CTXND1: variants seen among roughly 807,000 people sequenced by gnomAD.
CTXND1 encodes the protein cortexin domain containing 1.
chr15:80,203,222 C>T (rs1022695958), intron 2 of CTXND1, among the ~76,000 whole-genome samples: 4 of 152,204 alleles, frequency 2.6e-5, no homozygotes, highest in African/African-American at 7.2e-5. Context: ...CTATCCTCAT[C>T]CCTGAACTTG....
At chr15:80,217,521 CTTATTTATTTATTTAT>C (rs67800490) in intron 1 of CTXND1, among the ~76,000 whole-genome samples, 25 of 143,768 alleles carry the variant, frequency 1.7e-4, no homozygotes, top group South Asian at 4.6e-4. Flanking sequence ...CAATAGCTTG[CTTATTTATTTATTTAT>C]TTATTTATTT....
chr15:80,238,634 G>A (rs577934342), intron 1 of CTXND1, among the ~76,000 whole-genome samples: 153 of 152,080 alleles, frequency 1.0e-3, no homozygotes, highest in African/African-American at 3.3e-3. Flanking sequence ...ACAGGTGCCC[G>A]CCTCCACGCC....
intron 1 of CTXND1, among the ~76,000 whole-genome samples, chr15:80,250,977 G>C (rs1893687118): frequency 6.6e-6 from 1 of 152,120 alleles, no homozygotes; most frequent in Non-Finnish European, 1.5e-5. Context: ...TATGGAAAAG[G>C]GTAAGATTGT....
At chr15:80,214,155 G>T (rs533518668) in intron 1 of CTXND1, among the ~76,000 whole-genome samples, 50 of 152,156 alleles carry the variant, frequency 3.3e-4, no homozygotes, top group Admixed American at 2.8e-3. Context: ...AGTGGGAAAA[G>T]GTAGAAGGAA....
At chr15:80,204,169 A>AATATATATAT (rs1282033532) in intron 1 of CTXND1, among the ~76,000 whole-genome samples, 9 of 65,192 alleles carry the variant, frequency 1.4e-4, no homozygotes, top group African/African-American at 6.9e-4. Context: ...AAAAAAAAAA[A>AATATATATAT]ATATATATAT....
At chr15:80,225,898 A>T (rs1893366487) in intron 1 of CTXND1, among the ~76,000 whole-genome samples, 2 of 152,126 alleles carry the variant, frequency 1.3e-5, no homozygotes, top group Admixed American at 1.3e-4. Flanking sequence ...ATGGAGGTAT[A>T]GATTCATTTA....
chr15:80,232,395 G>A (rs1028138137), intron 1 of CTXND1, among the ~76,000 whole-genome samples: 2 of 152,178 alleles, frequency 1.3e-5, no homozygotes, highest in South Asian at 2.1e-4. Flanking sequence ...TAATCTGATT[G>A]TAATTTCATC....
chr15:80,218,320 T>C (rs1464185186), intron 1 of CTXND1, among the ~76,000 whole-genome samples: 1 of 152,112 alleles, frequency 6.6e-6, no homozygotes, highest in South Asian at 2.1e-4. Flanking sequence ...AACAGTGTTT[T>C]GTAGAAGTGG....
intron 1 of CTXND1, among the ~76,000 whole-genome samples, chr15:80,204,024 G>A (rs980561617): frequency 3.0e-4 from 45 of 150,552 alleles, no homozygotes; most frequent in South Asian, 1.1e-3. Flanking sequence ...TTAGCCGGGC[G>A]TGGTGGTGCA....
rs368975939 is a variant in CTXND1 at position 80,241,024 on chromosome 15, T to C, written c.-218+10983A>G. ...GGAAATGCTGCTGCTCACGGAATCC[T>C]TAAACTGGCATGTGATACACATTTT... On this transcript the variant is annotated intron_variant, in intron 1 of 2. Transcript: ENST00000560778. Among the ~76,000 whole-genome samples, 262 of 152,370 alleles carry C rather than the reference T, an allele frequency of 1.7e-3. 1 individual carries two copies. The highest frequency in any genetic ancestry group is 3.2e-3 in the Non-Finnish European group (217 of 68,036).
chr15:80,199,552 GGCT>G lies in CTXND1; in HGVS notation c.*2215_*2217del. The G allele has an allele frequency of 6.6e-6, 1 of 152,434 alleles. No homozygotes were observed. The highest frequency in any genetic ancestry group is 1.5e-5 in the Non-Finnish European group (1 of 68,120). 9.4% of individuals were successfully genotyped at this position (152,434 alleles called of 1,614,324 possible). A position where few individuals can be genotyped will look rare whatever the true frequency, so the allele number is the denominator to read the frequency against. ...TTCTCAAGGTAGGCTTCAGAGTGAG[GGCT>G]GCTGCTGCTGAACCTGAGGCAATGC... On this transcript the variant is annotated 3_prime_UTR_variant, in exon 3 of 3. Coordinates refer to ENST00000560778, the MANE Select transcript of CTXND1 (RefSeq NM_001352888.2).
At chr15:80,211,365 A>G (rs1380832613) in intron 1 of CTXND1, among the ~76,000 whole-genome samples, 1 of 152,248 alleles carries the variant, frequency 6.6e-6, no homozygotes, top group African/African-American at 2.4e-5. Flanking sequence ...ATAGAAGTGC[A>G]GCCATTATGA....
chr15:80,222,134 T>A (rs1361146507), intron 1 of CTXND1, among the ~76,000 whole-genome samples: 16 of 152,212 alleles, frequency 1.1e-4, no homozygotes, highest in Admixed American at 1.0e-3. Flanking sequence ...ATTAGAATCC[T>A]CTATTTCTTC....
chr15:80,215,913 G>A (rs1350546233), intron 1 of CTXND1, among the ~76,000 whole-genome samples: 11 of 152,182 alleles, frequency 7.2e-5, no homozygotes, highest in Admixed American at 6.5e-4. Context: ...AGTGGGTGGA[G>A]TCTCAATCAC....
intron 1 of CTXND1, among the ~76,000 whole-genome samples, chr15:80,206,742 ACCT>A (rs541473970): frequency 6.7e-4 from 101 of 151,558 alleles, no homozygotes; most frequent in African/African-American, 2.3e-3. Flanking sequence ...TTTAACTTTC[ACCT>A]CCTTTTCCCA....
intron 1 of CTXND1, among the ~76,000 whole-genome samples, chr15:80,210,616 A>G (rs548480856): frequency 6.6e-6 from 1 of 152,316 alleles, no homozygotes; most frequent in Non-Finnish European, 1.5e-5. Context: ...GGATCTATGA[A>G]AGGCACCAGC....
At position 80,245,079 on chromosome 15, in the gene CTXND1, A is replaced by G. The variant is rs116718778; in HGVS notation, c.-218+6928T>C. On this transcript the variant is annotated intron_variant, in intron 1 of 2. Coordinates refer to ENST00000560778, the MANE Select transcript of CTXND1 (RefSeq NM_001352888.2). Reference sequence around the variant, plus strand: ...CCAGCCTCACAGAGTCGGTGTGAGGATCAGAGGCATGACTTTGTGGAATGC... The same window carrying G: ...CCAGCCTCACAGAGTCGGTGTGAGGGTCAGAGGCATGACTTTGTGGAATGC... Among the ~76,000 whole-genome samples the G allele has an allele frequency of 2.9e-3, 435 of 152,226 alleles. 2 individuals are homozygous for G. Among genetic ancestry groups the G allele is most frequent in the African/African-American group, 9.7e-3 (401 of 41,524 alleles).
At chr15:80,222,940 A>G (rs1425633771) in intron 1 of CTXND1, among the ~76,000 whole-genome samples, 2 of 152,192 alleles carry the variant, frequency 1.3e-5, no homozygotes, top group Non-Finnish European at 2.9e-5. Context: ...CCTAGAAGAA[A>G]CCACTATTCT....
At chr15:80,232,265 C>A (rs116440100) in intron 1 of CTXND1, among the ~76,000 whole-genome samples, 1,836 of 152,122 alleles carry the variant, frequency 0.012, 35 homozygotes, top group African/African-American at 0.042. Context: ...ACCTCCCTGC[C>A]CCCGATCCTT....
Sources: allele counts gnomAD v4.1 joint callset (sites outside exome capture counted in the v4.1 genomes callset), GRCh38; gene constraint gnomAD v4.1.1; transcripts MANE v1.5; gene names NCBI Gene and HGNC (gene_info 2026-07-23, HGNC 2026-07-21).